NBEA: variants seen among roughly 807,000 people sequenced by gnomAD.
The protein encoded by NBEA is neurobeachin.
In NBEA, 44 loss-of-function variants were observed where a neutral mutation model predicts 343.4. The ratio of observed to expected loss-of-function variants is 0.13; its 90% confidence interval spans 0.10 to 0.16. The LOEUF (loss-of-function observed/expected upper bound fraction) is 0.16, where lower values mean the gene tolerates loss of function less well. Ranked by LOEUF, NBEA falls within the 10% of genes least tolerant of loss-of-function variation. NBEA has a pLI of 1.00. For synonymous variants in NBEA, 1,175 were observed against 1,238.7 expected (o/e 0.95, Z 1.08); for missense variants, 2,555 against 3,631.3 (o/e 0.70, Z 7.62).
Position 35,267,942 on chromosome 13 carries a change from G to A in NBEA, c.5777-22447G>A, listed in dbSNP as rs9593036. 7.4e-3 allele frequency among the ~76,000 whole-genome samples: 1,129 copies of A among 152,092 alleles called. 4 individuals carry two copies. The highest frequency in any genetic ancestry group is 0.011 in the Non-Finnish European group (776 of 67,906). ...AATGGTACAGCTGATGTGCAAACCAGTGTGGTCGTTCCTAAAAAATTAAAA... is the reference window on the plus strand; with the variant it reads ...AATGGTACAGCTGATGTGCAAACCAATGTGGTCGTTCCTAAAAAATTAAAA... On this transcript the variant is annotated intron_variant, in intron 34 of 58. Coordinates refer to ENST00000379939, the MANE Select transcript of NBEA (RefSeq NM_001385012.1).
chr13:35,643,530 T>C (rs1256389160), intron 49 of NBEA, among the ~76,000 whole-genome samples: 2 of 152,236 alleles, frequency 1.3e-5, no homozygotes, highest in Admixed American at 1.3e-4. Flanking sequence ...GCCCTGCTTC[T>C]GTATTCACCA....
chr13:35,638,875 G>A lies in NBEA; in HGVS notation c.7618-6994G>A, dbSNP rs116766639. 4.7e-3 allele frequency among the ~76,000 whole-genome samples: 718 copies of A among 152,298 alleles called. 2 individuals are homozygous for A. Among genetic ancestry groups the A allele is most frequent in the African/African-American group, 0.016 (685 of 41,552 alleles). ...TTTTTCACATTCATTTGTTAAGTCA[G>A]TTATGTAATATCACCATTATAATTC... On this transcript the variant is annotated intron_variant, in intron 49 of 58. Coordinates refer to ENST00000379939, the MANE Select transcript of NBEA (RefSeq NM_001385012.1).
intron 34 of NBEA, among the ~76,000 whole-genome samples, chr13:35,248,667 G>T (rs2031556577): frequency 6.6e-6 from 1 of 152,130 alleles, no homozygotes; most frequent in Non-Finnish European, 1.5e-5. Context: ...TTCAACATGG[G>T]TGCCAAGACC....
At chr13:35,485,021 A>G (rs1258539414) in intron 41 of NBEA, among the ~76,000 whole-genome samples, 1 of 152,160 alleles carries the variant, frequency 6.6e-6, no homozygotes, top group African/African-American at 2.4e-5. Context: ...AGATATACTT[A>G]CCACAACTGT....
chr13:35,476,344 GCTGCTGCT>G, intron 41 of NBEA: 2 of 1,078,158 alleles, frequency 1.9e-6, no homozygotes, highest in South Asian at 2.8e-5. Context: ...TGCTGCTGCT[GCTGCTGCT>G]GCTTTTCCCT....
intron 38 of NBEA, among the ~76,000 whole-genome samples, chr13:35,360,361 A>G (rs1369995525): frequency 6.6e-6 from 1 of 152,026 alleles, no homozygotes; most frequent in African/African-American, 2.4e-5. Context: ...GTCTGAACCT[A>G]AAAGGTTCAC....
At chr13:34,982,161 A>G (rs1018667179) in intron 1 of NBEA, among the ~76,000 whole-genome samples, 5 of 152,222 alleles carry the variant, frequency 3.3e-5, no homozygotes, top group East Asian at 1.9e-4. Flanking sequence ...CTGTGGGTCA[A>G]TAAGAGCTTT....
At chr13:35,461,053 A>G (rs55785014) in intron 40 of NBEA, among the ~76,000 whole-genome samples, 2,049 of 152,250 alleles carry the variant, frequency 0.013, 28 homozygotes, top group South Asian at 0.039. Context: ...TCATTAATCC[A>G]CAAATGGATT....
intron 4 of NBEA, among the ~76,000 whole-genome samples, chr13:35,047,907 T>A (rs1308585078): frequency 6.6e-6 from 1 of 151,816 alleles, no homozygotes; most frequent in African/African-American, 2.4e-5. Flanking sequence ...ATCAGCTACT[T>A]TCTTATTTAT....
At chr13:35,377,169 A>C (rs1473887306) in intron 38 of NBEA, among the ~76,000 whole-genome samples, 1 of 152,230 alleles carries the variant, frequency 6.6e-6, no homozygotes, top group Non-Finnish European at 1.5e-5. Flanking sequence ...TGTCTCCACC[A>C]ACTGTGGGAG....
intron 41 of NBEA, chr13:35,475,607 C>T (rs769929963): frequency 6.2e-7 from 1 of 1,613,632 alleles, no homozygotes; most frequent in Non-Finnish European, 8.5e-7. Flanking sequence ...GGCCAGATCC[C>T]GGTGCATTTA....
chr13:35,104,643 AC>A (rs34740917), intron 11 of NBEA, among the ~76,000 whole-genome samples: 11,134 of 151,948 alleles, frequency 0.073, 892 homozygotes, highest in African/African-American at 0.19. Flanking sequence ...TAATTTCTTA[AC>A]TAATAACAGG....
At chr13:35,163,291 G>A (rs1434685549) in intron 23 of NBEA, among the ~76,000 whole-genome samples, 4 of 152,044 alleles carry the variant, frequency 2.6e-5, no homozygotes, top group Non-Finnish European at 5.9e-5. Flanking sequence ...CTCTAAAAGG[G>A]TGAGAATTAT....
At chr13:35,623,819 C>T (rs567934100) in intron 48 of NBEA, among the ~76,000 whole-genome samples, 12 of 152,140 alleles carry the variant, frequency 7.9e-5, no homozygotes, top group African/African-American at 2.6e-4. Context: ...GCCCATATTA[C>T]ATTACACGTA....
chr13:35,366,215 A>G (rs2041100832), intron 38 of NBEA, among the ~76,000 whole-genome samples: 1 of 151,592 alleles, frequency 6.6e-6, no homozygotes, highest in Admixed American at 6.6e-5. Context: ...AAACAGATGA[A>G]CATCAAAATG....
At chr13:35,575,548 A>G (rs1325143410) in intron 45 of NBEA, among the ~76,000 whole-genome samples, 1 of 152,168 alleles carries the variant, frequency 6.6e-6, no homozygotes, top group East Asian at 1.9e-4. Flanking sequence ...ACCAATACCT[A>G]CATGTTATAA....
At chr13:35,070,180 G>A in intron 9 of NBEA, 75 bp downstream of exon 9, 2 of 1,286,452 alleles carry the variant, frequency 1.6e-6, no homozygotes, top group East Asian at 2.8e-5. Flanking sequence ...ATCAAACATT[G>A]CTCATCTATA....
At position 35,306,889 on chromosome 13, in the gene NBEA, C is replaced by A. The variant is rs535590141; in HGVS notation, c.5839-2639C>A. ...TACCTTCTCAGCCTAGATATTTGAT[C>A]CTCGTTTTGTTTATACTTCTTAGGA... On this transcript the variant is annotated intron_variant, in intron 35 of 58. Coordinates refer to ENST00000379939, the MANE Select transcript of NBEA (RefSeq NM_001385012.1). Among the ~76,000 whole-genome samples, 66 of 152,132 alleles carry A rather than the reference C, an allele frequency of 4.3e-4. 1 individual carries two copies. The South Asian group carries it at 6.6e-3, about 15-fold the overall frequency.
At chr13:35,048,742 G>C in intron 5 of NBEA, 58 bp downstream of exon 5, 1 of 997,700 alleles carries the variant, frequency 1.0e-6, no homozygotes, top group African/African-American at 1.6e-5. Context: ...TTCTATAAAT[G>C]TATAGTCTCA....
Sources: allele counts gnomAD v4.1 joint callset (sites outside exome capture counted in the v4.1 genomes callset), GRCh38; gene constraint gnomAD v4.1.1; transcripts MANE v1.5; gene names NCBI Gene and HGNC (gene_info 2026-07-23, HGNC 2026-07-21).